The following NOS1AP variants were observed in gnomAD, a reference collection of about 807,000 sequenced individuals.
The protein encoded by NOS1AP is carboxyl-terminal PDZ ligand of neuronal nitric oxide synthase protein.
Under a neutral mutation model 56.2 loss-of-function variants are expected in NOS1AP, and 21 were observed. The observed-to-expected ratio is 0.37, with a 90% CI of 0.26 to 0.54. The LOEUF (loss-of-function observed/expected upper bound fraction) is 0.54, where lower values mean the gene tolerates loss of function less well. NOS1AP is among the 20% of genes least tolerant of loss of function. The pLI, the probability that NOS1AP is intolerant of heterozygous loss-of-function variation, is 0.84. For missense variants in NOS1AP, 522 were observed against 657.8 expected (o/e 0.79, Z 2.26); for synonymous variants, 270 against 274.6 (o/e 0.98, Z 0.17).
chr1:162,330,281 C>T (rs1041288171), intron 4 of NOS1AP, among the ~76,000 whole-genome samples: 7 of 152,230 alleles, frequency 4.6e-5, no homozygotes, highest in Admixed American at 2.6e-4. Context: ...TCCCTCCCTT[C>T]TAAGCAGGCA....
rs73026950 is a variant in NOS1AP at position 162,156,981 on chromosome 1, C to T, written c.177+2505C>T. 1,537 of 154,152 alleles carry T rather than the reference C, an allele frequency of 1.0e-2. 26 individuals carry two copies. Among genetic ancestry groups the T allele is most frequent in the African/African-American group, 0.035 (1,455 of 41,544 alleles). 9.5% of individuals were successfully genotyped at this position (154,152 alleles called of 1,614,324 possible). On this transcript the variant is annotated intron_variant, in intron 2 of 9. Transcript: ENST00000361897. ...TGAGTCATTACCCCAGCTGAGGAACCAAAGAACTGGGACATGGGACCTCCC... is the reference window on the plus strand; with the variant it reads ...TGAGTCATTACCCCAGCTGAGGAACTAAAGAACTGGGACATGGGACCTCCC...
At chr1:162,253,125 T>C (rs1433145922) in intron 2 of NOS1AP, among the ~76,000 whole-genome samples, 1 of 152,202 alleles carries the variant, frequency 6.6e-6, no homozygotes, top group Non-Finnish European at 1.5e-5. Context: ...CTTAAATGGA[T>C]TAATGTCATT....
chr1:162,285,611 A>T (rs903830372), intron 2 of NOS1AP, among the ~76,000 whole-genome samples: 4 of 152,096 alleles, frequency 2.6e-5, no homozygotes, highest in African/African-American at 4.8e-5. Flanking sequence ...GTGCAAAAAA[A>T]AAATCCTGTC....
intron 2 of NOS1AP, among the ~76,000 whole-genome samples, chr1:162,203,571 T>C (rs909755486): frequency 1.4e-4 from 22 of 152,144 alleles, no homozygotes; most frequent in African/African-American, 3.9e-4. Context: ...TTTAAAAAAA[T>C]TGATTTGCAG....
At chr1:162,176,448 T>G (rs1227821899) in intron 2 of NOS1AP, among the ~76,000 whole-genome samples, 1 of 152,064 alleles carries the variant, frequency 6.6e-6, no homozygotes, top group Non-Finnish European at 1.5e-5. Flanking sequence ...GACTGGTTTC[T>G]TTCACTTAGC....
chr1:162,301,666 C>T (rs774283716), intron 4 of NOS1AP, among the ~76,000 whole-genome samples: 3 of 152,162 alleles, frequency 2.0e-5, no homozygotes, highest in Admixed American at 6.5e-5. Context: ...GACAGGAGCT[C>T]GAGTCATGGG....
At chr1:162,284,589 G>A (rs569507326) in intron 2 of NOS1AP, among the ~76,000 whole-genome samples, 2 of 85,618 alleles carry the variant, frequency 2.3e-5, no homozygotes, top group East Asian at 4.7e-4. Context: ...TTTTCATGCA[G>A]TGACTGTGCC....
intron 1 of NOS1AP, among the ~76,000 whole-genome samples, chr1:162,148,152 G>A (rs966350440): frequency 1.3e-5 from 2 of 152,220 alleles, no homozygotes; most frequent in Non-Finnish European, 2.9e-5. Flanking sequence ...GAAGGAGCAG[G>A]CTGATGCCTC....
chr1:162,307,891 G>C (rs1369544301), intron 4 of NOS1AP, among the ~76,000 whole-genome samples: 1 of 152,086 alleles, frequency 6.6e-6, no homozygotes, highest in African/African-American at 2.4e-5. Flanking sequence ...TTTTGAGCAA[G>C]TCAAAGTTAA....
chr1:162,131,245 A>G (rs980399895), intron 1 of NOS1AP, among the ~76,000 whole-genome samples: 2 of 152,080 alleles, frequency 1.3e-5, no homozygotes, highest in African/African-American at 4.8e-5. Flanking sequence ...GGAAGCATAT[A>G]TAATAAGCAA....
chr1:162,299,823 C>G (rs544467354), intron 3 of NOS1AP, among the ~76,000 whole-genome samples: 1 of 152,132 alleles, frequency 6.6e-6, no homozygotes, highest in East Asian at 1.9e-4. Flanking sequence ...AAGCTGCTGA[C>G]AGTGCTTCTT....
At chr1:162,169,578 T>C (rs1650665813) in intron 2 of NOS1AP, among the ~76,000 whole-genome samples, 1 of 152,212 alleles carries the variant, frequency 6.6e-6, no homozygotes, top group Admixed American at 6.5e-5. Context: ...TCAGTGTGCA[T>C]GCAGTACTAC....
chr1:162,190,968 A>G (rs1253700556), intron 2 of NOS1AP, among the ~76,000 whole-genome samples: 1 of 152,056 alleles, frequency 6.6e-6, no homozygotes, highest in African/African-American at 2.4e-5. Flanking sequence ...AACCATCATC[A>G]GGGTTTTTGA....
chr1:162,119,868 A>T (rs990005788), intron 1 of NOS1AP, among the ~76,000 whole-genome samples: 4 of 152,158 alleles, frequency 2.6e-5, no homozygotes, highest in Non-Finnish European at 5.9e-5. Flanking sequence ...AGAGTGAAAC[A>T]TATTAGGGAT....
At chr1:162,232,179 A>G (rs1653143410) in intron 2 of NOS1AP, among the ~76,000 whole-genome samples, 1 of 152,240 alleles carries the variant, frequency 6.6e-6, no homozygotes, top group Non-Finnish European at 1.5e-5. Context: ...TTAATTGTGC[A>G]AACCTGGGTT....
chr1:162,148,414 C>T (rs1027533185), intron 1 of NOS1AP, among the ~76,000 whole-genome samples: 9 of 152,234 alleles, frequency 5.9e-5, no homozygotes, highest in African/African-American at 2.2e-4. Flanking sequence ...AAGGGTATCT[C>T]ACCTACCCTG....
intron 1 of NOS1AP, among the ~76,000 whole-genome samples, chr1:162,127,370 G>A (rs1206229120): frequency 6.6e-6 from 1 of 152,040 alleles, no homozygotes; most frequent in Non-Finnish European, 1.5e-5. Flanking sequence ...TTGTGTTATA[G>A]TTCTTTATAC....
Position 162,104,365 on chromosome 1 carries a change from G to A in NOS1AP, c.105+34083G>A, listed in dbSNP as rs547552293. 2.0e-5 allele frequency among the ~76,000 whole-genome samples: 3 copies of A among 152,270 alleles called. No individual in the cohort carries two copies. The South Asian group carries it at 6.2e-4, about 32-fold the overall frequency. On this transcript the variant is annotated intron_variant, in intron 1 of 9. Coordinates refer to ENST00000361897, the MANE Select transcript of NOS1AP (RefSeq NM_014697.3). ...TTTTTTCCTTTATTTCAACCTTGGA[G>A]GATCTGACTAGTATGTGTCTTGGGG...
intron 2 of NOS1AP, among the ~76,000 whole-genome samples, chr1:162,232,534 G>A (rs1653154660): frequency 1.5e-5 from 1 of 65,980 alleles, no homozygotes. Context: ...TGTGCTTAGA[G>A]TGTGTGTGTG....
Sources: gnomAD v4.1 joint callset for allele counts (sites outside exome capture counted in the v4.1 genomes callset) on GRCh38, gnomAD v4.1.1 for gene constraint, MANE v1.5 for transcripts, NCBI Gene and HGNC (gene_info 2026-07-23, HGNC 2026-07-21) for gene names.